SREBF2: variants seen among roughly 807,000 people sequenced by gnomAD.
The protein encoded by SREBF2 is sterol regulatory element binding transcription factor 2, also known as sterol regulatory element-binding protein 2.
Under a neutral mutation model 113.1 loss-of-function variants are expected in SREBF2, and 55 were observed. The ratio of observed to expected loss-of-function variants is 0.49; its 90% CI spans 0.39 to 0.61. The LOEUF is 0.61. SREBF2 is among the 20% of genes least tolerant of loss of function. The pLI, the probability that SREBF2 is intolerant of heterozygous loss-of-function variation, is 0.00. For synonymous variants in SREBF2, 593 were observed against 605.7 expected, an observed-to-expected ratio of 0.98 and a Z score of 0.31; for missense variants, 1,349 against 1,487.4, an observed-to-expected ratio of 0.91 and a Z score of 1.53.
chr22:41,871,072 C>T (rs141120331), intron 4 of SREBF2, 37 bp downstream of exon 4: 9 of 1,613,122 alleles, frequency 5.6e-6, no homozygotes, highest in Middle Eastern at 1.7e-4. Context: ...CCTCCCTCCC[C>T]CTTTATTCCT....
chr22:41,896,193 G>A (rs966287120), intron 13 of SREBF2, among the ~76,000 whole-genome samples: 1 of 152,028 alleles, frequency 6.6e-6, no homozygotes, highest in African/African-American at 2.4e-5. Flanking sequence ...CTCAGCAGAA[G>A]GCAGACACAT....
rs1403427107 is a variant in SREBF2, at chr22:41,903,086, G to T, written c.3024G>T (p.Leu1008=). ...GETYHASGAE[L]AGFQRDLGSL... Reference sequence around the variant, plus strand: ...CCTACCACGCGTCAGGCGCTGAACTGGCGGGCTTCCAACGGGACCTGGGCA... The same window carrying T: ...CCTACCACGCGTCAGGCGCTGAACTTGCGGGCTTCCAACGGGACCTGGGCA... The change falls in exon 17 of 19, where the codon CTG becomes CTT. Residue 1008 remains leucine (L), a synonymous_variant. Coordinates refer to ENST00000361204, the MANE Select transcript of SREBF2 (RefSeq NM_004599.4). The T allele has an allele frequency of 3.2e-6, 5 of 1,584,606 alleles. No individual in the cohort carries two copies. Among genetic ancestry groups the T allele is most frequent in the Non-Finnish European group, 4.3e-6 (5 of 1,165,382 alleles).
intron 1 of SREBF2, among the ~76,000 whole-genome samples, chr22:41,865,436 G>C (rs970724962): frequency 2.0e-5 from 3 of 152,134 alleles, no homozygotes; most frequent in Non-Finnish European, 4.4e-5. Context: ...CAAAGCTGAG[G>C]CTCCTGACTT....
At chr22:41,880,565 T>G (rs2077235557) in intron 9 of SREBF2, 151 bp from the exon 10 acceptor site, 1 of 1,037,186 alleles carries the variant, frequency 9.6e-7, no homozygotes, top group East Asian at 2.4e-5. Context: ...TGGTTTTGTT[T>G]TACTTTCTTG....
chr22:41,889,262 G>A (rs115210096), intron 11 of SREBF2, among the ~76,000 whole-genome samples: 4,501 of 152,130 alleles, frequency 0.03, 227 homozygotes, highest in African/African-American at 0.1. Flanking sequence ...GAGTAGCTGG[G>A]ACTGCAGGTA....
At chr22:41,903,542 C>G (rs1279615541) in intron 17 of SREBF2, among the ~76,000 whole-genome samples, 5 of 152,236 alleles carry the variant, frequency 3.3e-5, no homozygotes, top group Non-Finnish European at 7.3e-5. Context: ...TTCTTTTTCA[C>G]AGTAGCTAGA....
chr22:41,867,992 T>C (rs898385912), intron 2 of SREBF2, among the ~76,000 whole-genome samples: 15 of 152,272 alleles, frequency 9.9e-5, no homozygotes, highest in Middle Eastern at 3.4e-3. Flanking sequence ...ACTTTTAATA[T>C]AGGTGCAGCA....
intron 1 of SREBF2, among the ~76,000 whole-genome samples, chr22:41,846,996 TCCCAGCCCAGAGTA>T (rs1253869021): frequency 6.6e-6 from 1 of 152,240 alleles, no homozygotes; most frequent in African/African-American, 2.4e-5. Flanking sequence ...ATCCTCCAGC[TCCCAGCCCAGAGTA>T]CATAGTGTAT....
chr22:41,877,377 A>C lies in SREBF2; in HGVS notation c.1535A>C (p.His512Pro), dbSNP rs2077206276. 3 of 1,613,956 alleles carry C rather than the reference A, an allele frequency of 1.9e-6. No homozygotes were observed. Among genetic ancestry groups the C allele is most frequent in the South Asian group, 1.1e-5 (1 of 91,082 alleles). Residue 512 changes from histidine to proline, a missense_variant, in exon 8 of 19, where the codon CAC becomes CCC. By Grantham distance (77) the His-to-Pro change is moderately conservative. This residue lies in a region of SREBF2 where 699 missense variants were observed against 843.3 expected (regional missense o/e 0.83). Coordinates refer to ENST00000361204, the MANE Select transcript of SREBF2 (RefSeq NM_004599.4). ...GGAGGGGCCCACGACTCTGACCAGC[A>C]CCCACACTCAGGCTCTGGCCGCAGT... Reference protein sequence around the residue: ...QWGGAHDSDQHPHSGSGRSVL... With the variant: ...QWGGAHDSDQPPHSGSGRSVL...
chr22:41,903,271 G>A, intron 17 of SREBF2, 116 bp downstream of exon 17: 2 of 1,277,440 alleles, frequency 1.6e-6, no homozygotes, highest in Non-Finnish European at 2.2e-6. Context: ...GGTCAGCCTG[G>A]TGACCTGTCG....
chr22:41,877,902 G>A, intron 8 of SREBF2, 40 bp from the exon 9 acceptor site: 1 of 1,612,998 alleles, frequency 6.2e-7, no homozygotes, highest in Non-Finnish European at 8.5e-7. Context: ...TGCTCCGCAA[G>A]GCCTTTCCTA....
At chr22:41,894,686 T>C in intron 12 of SREBF2, 134 bp from the exon 13 acceptor site, 1 of 814,344 alleles carries the variant, frequency 1.2e-6, no homozygotes, top group Non-Finnish European at 2.2e-6. Context: ...GCACAGTAGT[T>C]CTGGGCTTTG....
Position 41,867,099 on chromosome 22 carries a change from C to T in SREBF2, c.357C>T (p.Thr119=). Residue 119 remains threonine, a synonymous_variant, in exon 2 of 19, where the codon ACC becomes ACT. Coordinates refer to ENST00000361204, the MANE Select transcript of SREBF2 (RefSeq NM_004599.4). ...CTCTGCAAGTCAAGGTTTCTCCCACCTCAGTTCCCACCACACCCAGGGCAA... is the reference window on the plus strand; with the variant it reads ...CTCTGCAAGTCAAGGTTTCTCCCACTTCAGTTCCCACCACACCCAGGGCAA... ...APTLQVKVSP[T]SVPTTPRATP... The T allele has an allele frequency of 1.2e-6, 2 of 1,614,212 alleles. No individual in the cohort carries two copies. The highest frequency in any genetic ancestry group is 1.7e-6 in the Non-Finnish European group (2 of 1,180,054).
At chr22:41,858,262 T>C (rs1280900946) in intron 1 of SREBF2, among the ~76,000 whole-genome samples, 1 of 152,224 alleles carries the variant, frequency 6.6e-6, no homozygotes, top group Non-Finnish European at 1.5e-5. Context: ...AGCTCTAATA[T>C]GAAAGATAAA....
rs532734362 is a variant in SREBF2, at chr22:41,854,110, A to G, written c.89-12721A>G. On this transcript the variant is annotated intron_variant, in intron 1 of 18. Transcript: ENST00000361204. ...TGAAAGTTGCTATTGAGAGCATTTC[A>G]GTGAGTCAGTGCCAGTTTTTTTGTT... 3.3e-5 allele frequency among the ~76,000 whole-genome samples: 5 copies of G among 150,366 alleles called. No homozygotes were observed. The South Asian group carries it at 8.4e-4, about 25-fold the overall frequency.
chr22:41,840,971 A>G (rs1270121378), intron 1 of SREBF2, among the ~76,000 whole-genome samples: 1 of 152,174 alleles, frequency 6.6e-6, no homozygotes, highest in African/African-American at 2.4e-5. Flanking sequence ...GCAGACACCC[A>G]GTTTCATCTT....
rs2077238184 is a variant in SREBF2 at position 41,880,840 on chromosome 22, A to T, written c.1886A>T (p.Gln629Leu). The T allele has an allele frequency of 6.2e-7, 1 of 1,614,056 alleles. No homozygotes were observed. The highest frequency in any genetic ancestry group is 8.5e-7 in the Non-Finnish European group (1 of 1,180,046). The change falls in exon 10 of 19, where the codon CAG (glutamine) becomes CTG (leucine). Residue 629 changes from glutamine (Q) to leucine (L), a missense_variant. Gln to Leu is a moderately radical substitution (Grantham distance 113, BLOSUM62 -2). Transcript: ENST00000361204. Reference sequence around the variant, plus strand: ...TGGAACGTGATCCGCTACAGCCTGCAGAAGCTACGCCTGGTGCGCTGGCTG... The same window carrying T: ...TGGAACGTGATCCGCTACAGCCTGCTGAAGCTACGCCTGGTGCGCTGGCTG... The part of the protein sequence containing the change: ...LSWNVIRYSL[Q>L]KLRLVRWLLK...
rs566910177 is a variant in SREBF2, at chr22:41,874,051, C to T, written c.1089+32C>T. On this transcript the variant is annotated intron_variant, in intron 5 of 18. Transcript: ENST00000361204. ...GCCAAGCAAAATTGTGTTTTATGTT[C>T]CACCATCTCCCCTCTACCTGTTTTT... is the stretch of plus-strand genomic sequence containing the variant. 9 of 1,610,852 alleles carry T rather than the reference C, an allele frequency of 5.6e-6. No individual in the cohort carries two copies. The East Asian group carries it at 1.6e-4, about 28-fold the overall frequency.
chr22:41,887,941 A>G (rs2077315010), intron 11 of SREBF2, among the ~76,000 whole-genome samples: 1 of 152,168 alleles, frequency 6.6e-6, no homozygotes, highest in Non-Finnish European at 1.5e-5. Context: ...GGCAATTTGG[A>G]TAGTCTGTTT....
Sources: allele counts gnomAD v4.1 joint callset (sites outside exome capture counted in the v4.1 genomes callset), GRCh38; gene constraint gnomAD v4.1.1; regional missense constraint gnomAD v4.1.1; transcripts MANE v1.5; gene names NCBI Gene and HGNC (gene_info 2026-07-23, HGNC 2026-07-21).